DENND5B: variants seen among roughly 807,000 people sequenced by gnomAD.
DENND5B encodes the protein DENN domain-containing protein 5B.
In DENND5B, 34 loss-of-function variants were observed where a neutral mutation model predicts 140.6. The ratio of observed to expected loss-of-function variants is 0.24; its 90% CI spans 0.18 to 0.32. The LOEUF (loss-of-function observed/expected upper bound fraction) is 0.32. DENND5B is among the 10% of genes least tolerant of loss of function. DENND5B has a pLI of 1.00. For synonymous variants in DENND5B, 551 were observed against 562.1 expected, an observed-to-expected ratio of 0.98 and a Z score of 0.28; for missense variants, 1,142 against 1,560.2, an observed-to-expected ratio of 0.73 and a Z score of 4.52.
At chr12:31,427,135 A>G (rs931642027) in intron 8 of DENND5B, among the ~76,000 whole-genome samples, 6 of 152,282 alleles carry the variant, frequency 3.9e-5, no homozygotes, top group South Asian at 2.1e-4. Flanking sequence ...GCCTTGTTCT[A>G]TAATCAAGAG....
At chr12:31,448,587 T>A (rs570788867) in intron 5 of DENND5B, among the ~76,000 whole-genome samples, 9 of 152,370 alleles carry the variant, frequency 5.9e-5, no homozygotes, top group Admixed American at 2.6e-4. Context: ...GTTCTTTTGT[T>A]CTTCTTTAAG....
intron 1 of DENND5B, among the ~76,000 whole-genome samples, chr12:31,571,540 A>C (rs1209818386): frequency 6.6e-6 from 1 of 152,128 alleles, no homozygotes; most frequent in African/African-American, 2.4e-5. Flanking sequence ...TATCTCTCAA[A>C]AGTAAACACC....
chr12:31,480,367 G>T, intron 2 of DENND5B, 112 bp from the exon 3 acceptor site: 3 of 1,022,192 alleles, frequency 2.9e-6, no homozygotes, highest in Admixed American at 3.3e-5. Context: ...GTTTTATCCA[G>T]ATTTAATATT....
At chr12:31,588,400 G>A (rs1392526040) in intron 1 of DENND5B, among the ~76,000 whole-genome samples, 6 of 152,078 alleles carry the variant, frequency 3.9e-5, no homozygotes, top group East Asian at 1.9e-4. Flanking sequence ...ATATACAGTC[G>A]GCACTTCACG....
intron 7 of DENND5B, among the ~76,000 whole-genome samples, chr12:31,434,484 T>C (rs1228274076): frequency 1.3e-5 from 2 of 152,182 alleles, no homozygotes; most frequent in Non-Finnish European, 2.9e-5. Context: ...TTTTGGTTAA[T>C]AATGATTCAA....
intron 4 of DENND5B, among the ~76,000 whole-genome samples, chr12:31,454,345 G>A (rs1269964678): frequency 6.6e-6 from 1 of 152,118 alleles, no homozygotes; most frequent in Non-Finnish European, 1.5e-5. Context: ...GCCTTTCCCT[G>A]CTATTTTTCC....
intron 3 of DENND5B, among the ~76,000 whole-genome samples, chr12:31,476,970 G>A (rs1054707374): frequency 1.1e-4 from 17 of 152,110 alleles, no homozygotes; most frequent in East Asian, 7.7e-4. Flanking sequence ...GGCTCACGCC[G>A]GTAATCCCAG....
At chr12:31,414,082 TTTAA>T (rs1315112666) in intron 12 of DENND5B, among the ~76,000 whole-genome samples, 4 of 152,222 alleles carry the variant, frequency 2.6e-5, no homozygotes, top group African/African-American at 9.6e-5. Flanking sequence ...ATTGATAATC[TTTAA>T]TTGTTTAATT....
chr12:31,508,401 G>GTT (rs1165434821), intron 1 of DENND5B, among the ~76,000 whole-genome samples: 17 of 152,154 alleles, frequency 1.1e-4, no homozygotes, highest in Admixed American at 3.3e-4. Context: ...CTAAAAGAAA[G>GTT]ATATAAATTA....
rs1490928308 is a variant in DENND5B, at chr12:31,470,126, TTTC to T, written c.904+9460_904+9462del. On this transcript the variant is annotated intron_variant, in intron 3 of 20. Coordinates refer to ENST00000389082, the MANE Select transcript of DENND5B (RefSeq NM_144973.4). ...CCATGTCTGGCTTTTTTTTTTTTTT[TTTC>T]TTTGGAGATGGAGTTTCCCTTGTTA... Among the ~76,000 whole-genome samples, 6 of 144,752 alleles carry T rather than the reference TTTC, an allele frequency of 4.1e-5. No individual in the cohort carries two copies. In the East Asian group the frequency reaches 8.0e-4, roughly 19 times the overall value. 95.0% of individuals were successfully genotyped at this position (144,752 alleles called of 152,430 possible).
chr12:31,565,170 G>A (rs1315886286), intron 1 of DENND5B, among the ~76,000 whole-genome samples: 1 of 152,078 alleles, frequency 6.6e-6, no homozygotes, highest in Middle Eastern at 3.4e-3. Flanking sequence ...ACTTTCAGAG[G>A]CCAAGGCAGG....
intron 1 of DENND5B, among the ~76,000 whole-genome samples, chr12:31,552,415 CT>C (rs1949102368): frequency 6.6e-6 from 1 of 152,204 alleles, no homozygotes; most frequent in South Asian, 2.1e-4. Flanking sequence ...ATGAAGCCCA[CT>C]TGATCATAGT....
In DENND5B at chr12:31,388,226, C is replaced by CT. The variant is rs35891849; in HGVS notation, c.3642-441dup. Among the ~76,000 whole-genome samples the CT allele has an allele frequency of 3.0e-3, 278 of 91,450 alleles. 1 individual carries two copies. Among genetic ancestry groups the CT allele is most frequent in the African/African-American group, 9.2e-3 (208 of 22,638 alleles). The allele number at this position is 91,450 out of a possible 152,430, so 60.0% of individuals were successfully genotyped here. ...GACTACACTAAACTGTAGGGACTTG[C>CT]TTTTTTTTTTTTTTTTTTTTTTAAC... On this transcript the variant is annotated intron_variant, in intron 20 of 20. Coordinates refer to ENST00000389082, the MANE Select transcript of DENND5B (RefSeq NM_144973.4).
chr12:31,589,049 C>T (rs1011542317), intron 1 of DENND5B, among the ~76,000 whole-genome samples: 2 of 152,114 alleles, frequency 1.3e-5, no homozygotes, highest in Non-Finnish European at 2.9e-5. Flanking sequence ...CTAAAGAGTC[C>T]TAGGTCACAC....
intron 13 of DENND5B, among the ~76,000 whole-genome samples, chr12:31,409,613 G>C (rs1484487822): frequency 6.6e-6 from 1 of 151,636 alleles, no homozygotes; most frequent in Non-Finnish European, 1.5e-5. Flanking sequence ...TGAGTAGCTG[G>C]GATTACAGGC....
At chr12:31,423,887 G>A (rs1034954714) in intron 10 of DENND5B, among the ~76,000 whole-genome samples, 1 of 152,216 alleles carries the variant, frequency 6.6e-6, no homozygotes, top group South Asian at 2.1e-4. Context: ...CTGGGAAAAG[G>A]AAGCAGCTAA....
At chr12:31,457,763 G>A (rs1944840403) in intron 4 of DENND5B, among the ~76,000 whole-genome samples, 2 of 151,630 alleles carry the variant, frequency 1.3e-5, no homozygotes, top group Non-Finnish European at 2.9e-5. Context: ...GCCCAGGCTG[G>A]AGTGCAGTGA....
At chr12:31,443,806 G>C (rs1018866431) in intron 6 of DENND5B, 3 of 152,118 alleles carry the variant, frequency 2.0e-5, no homozygotes, top group Non-Finnish European at 4.4e-5. Flanking sequence ...AGTCATTTTG[G>C]AGTGTTTATT....
At chr12:31,427,062 A>G (rs746726428) in intron 8 of DENND5B, among the ~76,000 whole-genome samples, 2 of 152,218 alleles carry the variant, frequency 1.3e-5, no homozygotes, top group Non-Finnish European at 2.9e-5. Flanking sequence ...CACTCTGAAA[A>G]GCACGATGTG....
Sources: allele counts gnomAD v4.1 joint callset (sites outside exome capture counted in the v4.1 genomes callset), GRCh38; gene constraint gnomAD v4.1.1; transcripts MANE v1.5; gene names NCBI Gene and HGNC (gene_info 2026-07-23, HGNC 2026-07-21).